AK9: variants seen among roughly 807,000 people sequenced by gnomAD.
The protein encoded by AK9 is adenylate kinase domain containing 1.
AK9 carries 191 observed loss-of-function variants against 239.6 expected under a neutral mutation model. That is an observed-to-expected ratio of 0.80 (90% CI 0.71 to 0.90). AK9 has a LOEUF of 0.90. AK9 is among the 40% of genes least tolerant of loss of function. The pLI is 0.00. For synonymous variants in AK9, 689 were observed against 721.0 expected, an observed-to-expected ratio of 0.96 and a Z score of 0.71; for missense variants, 1,995 against 2,214.7, an observed-to-expected ratio of 0.90 and a Z score of 1.99.
intron 25 of AK9, among the ~76,000 whole-genome samples, chr6:109,549,219 G>C (rs1301556394): frequency 6.6e-6 from 1 of 152,134 alleles, no homozygotes; most frequent in Non-Finnish European, 1.5e-5. Flanking sequence ...TCACTTCAGG[G>C]AATACATTTT....
intron 38 of AK9, among the ~76,000 whole-genome samples, chr6:109,497,208 A>T (rs1777128971): frequency 6.6e-6 from 1 of 151,588 alleles, no homozygotes; most frequent in Non-Finnish European, 1.5e-5. Context: ...TTTGGGCTAC[A>T]CTCTCTCAGA....
intron 13 of AK9, 117 bp from the exon 14 acceptor site, chr6:109,614,597 T>A: frequency 1.3e-6 from 1 of 776,044 alleles, no homozygotes; most frequent in Non-Finnish European, 2.2e-6. Flanking sequence ...TTCTGACTTA[T>A]AAGCTGTAAG....
At chr6:109,616,222 A>C (rs1234432994) in intron 13 of AK9, among the ~76,000 whole-genome samples, 1 of 152,182 alleles carries the variant, frequency 6.6e-6, no homozygotes, top group African/African-American at 2.4e-5. Flanking sequence ...GGAAAACCCA[A>C]GAGAATCAAC....
At chr6:109,690,483 C>T (rs1269602257) in intron 1 of AK9, 1 of 152,182 alleles carries the variant, frequency 6.6e-6, no homozygotes, top group African/African-American at 2.4e-5. Context: ...TGGCCGCAGC[C>T]GGACCCTCCT....
chr6:109,599,887 G>T (rs1184106222), intron 17 of AK9, among the ~76,000 whole-genome samples: 1 of 152,054 alleles, frequency 6.6e-6, no homozygotes, highest in Non-Finnish European at 1.5e-5. Flanking sequence ...GTCTGTTATT[G>T]GTGTATAAGA....
intron 25 of AK9, 37 bp from the exon 26 acceptor site, chr6:109,546,164 AG>A: frequency 6.6e-7 from 1 of 1,521,314 alleles, no homozygotes; most frequent in Non-Finnish European, 8.8e-7. Flanking sequence ...GGTGGGATAA[AG>A]GGAGAGTGAA....
intron 24 of AK9, among the ~76,000 whole-genome samples, chr6:109,554,928 GTCTA>G (rs1290128682): frequency 3.3e-5 from 5 of 152,078 alleles, no homozygotes; most frequent in Admixed American, 6.5e-5. Flanking sequence ...CTAGCTAATG[GTCTA>G]TCTGTTTTGT....
In AK9 at chr6:109,614,489, T is replaced by TAAC; in HGVS notation, c.1400-12_1400-10dup. On this transcript the variant is annotated splice_polypyrimidine_tract_variant and intron_variant, in intron 13 of 40. Coordinates refer to ENST00000424296, the MANE Select transcript of AK9 (RefSeq NM_001145128.3). Reference sequence around the variant, plus strand: ...TCTTAAAGCTGTTTCAGCTGAAATATAACAATGGGTGGTGTTAGCAAAACG... The same window carrying TAAC: ...TCTTAAAGCTGTTTCAGCTGAAATATAACAACAATGGGTGGTGTTAGCAAAACG... 6.5e-7 allele frequency: 1 copy of TAAC among 1,549,446 alleles called. No homozygotes were observed. The highest frequency in any genetic ancestry group is 1.2e-5 in the South Asian group (1 of 83,998).
chr6:109,504,208 TA>T (rs924983852), intron 35 of AK9, among the ~76,000 whole-genome samples: 25 of 151,632 alleles, frequency 1.6e-4, no homozygotes, highest in Non-Finnish European at 3.4e-4. Context: ...TAAAAACATT[TA>T]AAAAATTAGC....
At chr6:109,682,580 CCA>C (rs572548791) in intron 1 of AK9, among the ~76,000 whole-genome samples, 182 of 151,994 alleles carry the variant, frequency 1.2e-3, no homozygotes, top group African/African-American at 4.2e-3. Context: ...ACCACTGATC[CCA>C]CAGAAATACA....
chr6:109,580,289 T>C (rs1008678993), intron 19 of AK9, among the ~76,000 whole-genome samples: 1 of 152,116 alleles, frequency 6.6e-6, no homozygotes, highest in African/African-American at 2.4e-5. Flanking sequence ...TTCATTAGGA[T>C]TGAAGCACCA....
intron 31 of AK9, among the ~76,000 whole-genome samples, 187 bp downstream of exon 31, chr6:109,515,670 G>A (rs569211208): frequency 3.3e-5 from 5 of 152,114 alleles, no homozygotes; most frequent in Non-Finnish European, 7.4e-5. Context: ...TACACAGTTG[G>A]TGATAAAAGA....
In AK9 at chr6:109,506,641, T is replaced by C. The variant is rs1377902644; in HGVS notation, c.4628+13A>G. On this transcript the variant is annotated intron_variant, in intron 34 of 40. Coordinates refer to ENST00000424296, the MANE Select transcript of AK9 (RefSeq NM_001145128.3). ...GTTTATTCCTTTTTTGTTGTCTTCA[T>C]CATGTACATTACCTTTGTTCATTTT... 1 of 1,534,638 alleles carries C rather than the reference T, an allele frequency of 6.5e-7. No individual in the cohort carries two copies. Among genetic ancestry groups the C allele is most frequent in the Non-Finnish European group, 8.8e-7 (1 of 1,135,322 alleles).
chr6:109,596,664 G>A (rs1403713168), intron 17 of AK9, among the ~76,000 whole-genome samples: 2 of 152,138 alleles, frequency 1.3e-5, no homozygotes, highest in African/African-American at 4.8e-5. Flanking sequence ...AATGAAATCT[G>A]TGAACAGGAA....
intron 10 of AK9, 29 bp downstream of exon 10, chr6:109,641,489 A>G: frequency 6.4e-7 from 1 of 1,564,496 alleles, no homozygotes; most frequent in Non-Finnish European, 8.8e-7. Flanking sequence ...ATTGAAAATT[A>G]GACTTTCAGA....
chr6:109,542,425 G>A (rs9400291), intron 26 of AK9, among the ~76,000 whole-genome samples: 88,491 of 151,930 alleles, frequency 0.58, 27,457 homozygotes, highest in East Asian at 0.84. Context: ...ACTATAGTTA[G>A]TAACAATGTA....
chr6:109,542,201 G>C, intron 26 of AK9, 30 bp from the exon 27 acceptor site: 1 of 1,560,504 alleles, frequency 6.4e-7, no homozygotes, highest in Non-Finnish European at 8.7e-7. Flanking sequence ...AACAAAACAA[G>C]TTTTAAAACT....
chr6:109,619,152 C>T lies in AK9; in HGVS notation c.1339G>A (p.Ala447Thr), dbSNP rs1583281213. The T allele has an allele frequency of 1.3e-6, 2 of 1,549,386 alleles. No homozygotes were observed. The highest frequency in any genetic ancestry group is 1.7e-6 in the Non-Finnish European group (2 of 1,145,930). The part of the protein sequence containing the change: ...LVENTIAEAT[A>T]AAIKVVKEKL... ...TCTTTCACAACTTTAATTGCTGCTG[C>T]AGTGGCCTCAGCTATGGTATTTTCT... Residue 447 changes from alanine to threonine, a missense_variant, in exon 13 of 41, where the codon GCA becomes ACA. Around this residue, in one of 5 missense-constraint regions of AK9, gnomAD observed 1,290 missense variants for 1,392.7 expected, o/e 0.93. Coordinates refer to ENST00000424296, the MANE Select transcript of AK9 (RefSeq NM_001145128.3).
At chr6:109,624,469 C>G (rs948892872) in intron 12 of AK9, among the ~76,000 whole-genome samples, 2 of 152,150 alleles carry the variant, frequency 1.3e-5, no homozygotes, top group Non-Finnish European at 2.9e-5. Flanking sequence ...TATTAGACTT[C>G]GTTTGCCTGA....
Sources: gnomAD v4.1 joint callset for allele counts (sites outside exome capture counted in the v4.1 genomes callset) on GRCh38, gnomAD v4.1.1 for gene constraint, gnomAD v4.1.1 regional missense constraint, MANE v1.5 for transcripts, NCBI Gene and HGNC (gene_info 2026-07-23, HGNC 2026-07-21) for gene names.